CHSY3: variants seen among roughly 807,000 people sequenced by gnomAD.
The protein encoded by CHSY3 is chondroitin sulfate synthase 3.
CHSY3 carries 35 observed loss-of-function variants against 67.2 expected under a neutral mutation model. That is an observed-to-expected ratio of 0.52 (90% CI 0.40 to 0.69). The LOEUF (loss-of-function observed/expected upper bound fraction) is 0.69, where lower values mean the gene tolerates loss of function less well. Among genes scored for constraint, CHSY3 ranks in the 30% least tolerant of loss-of-function variants. The pLI is 0.00. For synonymous variants in CHSY3, 474 were observed against 434.7 expected, an observed-to-expected ratio of 1.09 and a Z score of -1.12; for missense variants, 1,069 against 1,138.5, an observed-to-expected ratio of 0.94 and a Z score of 0.88.
intron 2 of CHSY3, chr5:130,140,586 G>T: frequency 2.1e-6 from 1 of 480,674 alleles, no homozygotes; most frequent in African/African-American, 2.0e-5. Flanking sequence ...AAAAAGGTTG[G>T]AGCTGAAAGA....
At chr5:130,140,148 A>C in intron 2 of CHSY3, 1 of 231,672 alleles carries the variant, frequency 4.3e-6, no homozygotes, top group South Asian at 6.5e-5. Flanking sequence ...AGCCACTCCA[A>C]GCTATGTCAT....
chr5:130,020,807 C>G (rs1002906089), intron 2 of CHSY3, among the ~76,000 whole-genome samples: 3 of 152,096 alleles, frequency 2.0e-5, no homozygotes, highest in African/African-American at 7.2e-5. Flanking sequence ...CTTCTCCTGT[C>G]CCCTACTCAG....
At chr5:129,981,138 G>C (rs994739381) in intron 2 of CHSY3, among the ~76,000 whole-genome samples, 2 of 151,636 alleles carry the variant, frequency 1.3e-5, no homozygotes, top group South Asian at 4.1e-4. Flanking sequence ...GGAGAATGGC[G>C]TGAACCCGGG....
chr5:129,996,776 C>T (rs543270399), intron 2 of CHSY3, among the ~76,000 whole-genome samples: 5 of 152,196 alleles, frequency 3.3e-5, no homozygotes, highest in Admixed American at 2.0e-4. Flanking sequence ...CACACACACT[C>T]CTACATCATT....
rs1770405074 is a variant in CHSY3 at position 130,185,882 on chromosome 5, T to C, written c.*91T>C. ...TTATTGTATTATTGTTATTTTATTA[T>C]TATTATTGTTATAATTTTATTTTGT... On this transcript the variant is annotated 3_prime_UTR_variant, in exon 3 of 3. Coordinates refer to ENST00000305031, the MANE Select transcript of CHSY3 (RefSeq NM_175856.5). 4 of 644,636 alleles carry C rather than the reference T, an allele frequency of 6.2e-6. 1 individual carries two copies. The South Asian group carries it at 2.6e-4, about 42-fold the overall frequency. The allele number at this position is 644,636 out of a possible 1,614,324, so 39.9% of individuals were successfully genotyped here.
rs746000497 is a variant in CHSY3 at position 130,185,249 on chromosome 5, A to G, written c.2107A>G (p.Met703Val). 1.2e-6 allele frequency: 2 copies of G among 1,607,136 alleles called. No individual in the cohort carries two copies. Among genetic ancestry groups the G allele is most frequent in the South Asian group, 1.1e-5 (1 of 90,954 alleles). The change falls in exon 3 of 3, where the codon ATG (methionine) becomes GTG (valine). Residue 703 changes from methionine (M) to valine (V), a missense_variant. Physicochemically the swap from Met to Val is conservative, Grantham distance 21. Coordinates refer to ENST00000305031, the MANE Select transcript of CHSY3 (RefSeq NM_175856.5). ...GTTTTCCAGAGGTCTTGGTCTTGAA[A>G]TGGCTTCTGCCCAGTTTGACAATGA... Reference protein sequence around the residue: ...GEFSRGLGLEMASAQFDNDTL... With the variant: ...GEFSRGLGLEVASAQFDNDTL...
chr5:130,140,377 G>A (rs1768823394), intron 2 of CHSY3: 1 of 639,404 alleles, frequency 1.6e-6, no homozygotes, highest in East Asian at 2.9e-5. Flanking sequence ...TCCAGAGGAA[G>A]TGTTTTTTAT....
intron 2 of CHSY3, among the ~76,000 whole-genome samples, chr5:130,160,578 T>G (rs1769500987): frequency 6.6e-6 from 1 of 152,218 alleles, no homozygotes. Flanking sequence ...TGGAGATGCT[T>G]TCTGCATCAG....
At chr5:130,124,889 G>A (rs1184373908) in intron 2 of CHSY3, among the ~76,000 whole-genome samples, 2 of 152,146 alleles carry the variant, frequency 1.3e-5, no homozygotes, top group African/African-American at 2.4e-5. Context: ...TTCAAATTTG[G>A]CTCCAAGTGT....
At chr5:129,925,905 G>A (rs533686118) in intron 2 of CHSY3, among the ~76,000 whole-genome samples, 2 of 151,266 alleles carry the variant, frequency 1.3e-5, no homozygotes, top group African/African-American at 4.8e-5. Context: ...GTGTGTGCAT[G>A]TATATATATA....
chr5:129,924,910 A>G (rs1761051335), intron 2 of CHSY3, among the ~76,000 whole-genome samples: 1 of 152,192 alleles, frequency 6.6e-6, no homozygotes, highest in Admixed American at 6.5e-5. Flanking sequence ...AATAATGATT[A>G]TCCCTCTTTA....
At chr5:129,961,717 T>G (rs1325691097) in intron 2 of CHSY3, among the ~76,000 whole-genome samples, 3 of 151,944 alleles carry the variant, frequency 2.0e-5, no homozygotes, top group Non-Finnish European at 4.4e-5. Flanking sequence ...TCCAGGATGG[T>G]CCACAATTTG....
intron 2 of CHSY3, among the ~76,000 whole-genome samples, chr5:130,077,709 A>G (rs1766314534): frequency 6.6e-6 from 1 of 152,058 alleles, no homozygotes; most frequent in African/African-American, 2.4e-5. Flanking sequence ...CGGATAATTC[A>G]CAATTACTGA....
intron 2 of CHSY3, among the ~76,000 whole-genome samples, chr5:129,930,503 A>C (rs201739590): frequency 5.5e-5 from 5 of 90,588 alleles, no homozygotes; most frequent in Non-Finnish European, 1.0e-4. Context: ...AGGAGGCATC[A>C]CTGGCGGGGG....
At chr5:130,109,315 A>C (rs956775236) in intron 2 of CHSY3, among the ~76,000 whole-genome samples, 2 of 151,670 alleles carry the variant, frequency 1.3e-5, no homozygotes, top group African/African-American at 4.8e-5. Flanking sequence ...AGAGAAGCAC[A>C]AAAATGCCAT....
chr5:129,923,495 C>T (rs1209583648), intron 2 of CHSY3, among the ~76,000 whole-genome samples: 2 of 151,994 alleles, frequency 1.3e-5, no homozygotes, highest in Non-Finnish European at 2.9e-5. Context: ...AATAGACAAA[C>T]TTCCCTAACT....
intron 2 of CHSY3, among the ~76,000 whole-genome samples, chr5:130,000,928 A>T (rs2149638681): frequency 7.1e-6 from 1 of 140,308 alleles, no homozygotes; most frequent in Middle Eastern, 3.8e-3. Flanking sequence ...TCGCTCTGTC[A>T]CCCAGGCTGA....
At chr5:130,087,889 A>G (rs1450406384) in intron 2 of CHSY3, among the ~76,000 whole-genome samples, 2 of 151,584 alleles carry the variant, frequency 1.3e-5, no homozygotes, top group Non-Finnish European at 3.0e-5. Flanking sequence ...TATGGAACCA[A>G]AAAAGAGCCC....
At chr5:129,936,538 G>T (rs1761498884) in intron 2 of CHSY3, among the ~76,000 whole-genome samples, 1 of 152,122 alleles carries the variant, frequency 6.6e-6, no homozygotes, top group Non-Finnish European at 1.5e-5. Context: ...CACTTTTGCA[G>T]GGAAGGAGCC....
Sources: allele counts gnomAD v4.1 joint callset (sites outside exome capture counted in the v4.1 genomes callset), GRCh38; gene constraint gnomAD v4.1.1; transcripts MANE v1.5; gene names NCBI Gene and HGNC (gene_info 2026-07-23, HGNC 2026-07-21).